Variants in HECW2 observed in about 807,000 individuals in gnomAD.
HECW2 encodes HECT, C2 and WW domain containing E3 ubiquitin protein ligase 2.
A neutral mutation model predicts 175.2 loss-of-function variants in HECW2; 61 were observed. That is an observed-to-expected ratio of 0.35 (90% CI 0.28 to 0.43). The LOEUF is 0.43. HECW2 is among the 20% of genes least tolerant of loss of function. The pLI, the probability that HECW2 is intolerant of heterozygous loss-of-function variation, is 1.00. For missense variants in HECW2, 1,524 were observed against 2,000.5 expected (o/e 0.76, Z 4.54); for synonymous variants, 671 against 731.0 (o/e 0.92, Z 1.32).
At chr2:196,265,222 C>G (rs537835107) in intron 17 of HECW2, among the ~76,000 whole-genome samples, 1 of 152,212 alleles carries the variant, frequency 6.6e-6, no homozygotes, top group African/African-American at 2.4e-5. Flanking sequence ...GGGTGGCTCA[C>G]GCCTATAATC....
At chr2:196,224,079 T>C (rs1466157356) in intron 23 of HECW2, among the ~76,000 whole-genome samples, 1 of 152,162 alleles carries the variant, frequency 6.6e-6, no homozygotes, top group African/African-American at 2.4e-5. Flanking sequence ...TTGTGAACTC[T>C]ACCCTGGGAA....
chr2:196,456,354 C>T (rs1381793805), intron 1 of HECW2, among the ~76,000 whole-genome samples: 1 of 152,318 alleles, frequency 6.6e-6, no homozygotes, highest in East Asian at 1.9e-4. Flanking sequence ...AGACTCTAAG[C>T]TATGAGCCTT....
intron 2 of HECW2, among the ~76,000 whole-genome samples, chr2:196,382,566 C>T (rs1443592783): frequency 6.6e-6 from 1 of 151,768 alleles, no homozygotes; most frequent in African/African-American, 2.4e-5. Flanking sequence ...GTTGATGAAG[C>T]CCTAAGTAAA....
chr2:196,361,811 C>CTT, intron 2 of HECW2: 1 of 985,294 alleles, frequency 1.0e-6, no homozygotes, highest in Non-Finnish European at 1.2e-6. Flanking sequence ...CAATATCTTA[C>CTT]CTCATATAAT....
chr2:196,426,431 C>T (rs543366958), intron 2 of HECW2, among the ~76,000 whole-genome samples: 49 of 152,194 alleles, frequency 3.2e-4, no homozygotes, highest in African/African-American at 1.1e-3. Flanking sequence ...TTTTTGATAA[C>T]AGCCATTCTA....
chr2:196,584,027 ACTTACTCCACC>A (rs1442139737), intron 1 of HECW2, among the ~76,000 whole-genome samples: 107 of 152,298 alleles, frequency 7.0e-4, no homozygotes, highest in Middle Eastern at 3.4e-3. Context: ...CCTATAAGAT[ACTTACTCCACC>A]CTTACTCTTA....
At chr2:196,335,392 C>T (rs1692514592) in intron 3 of HECW2, among the ~76,000 whole-genome samples, 1 of 152,184 alleles carries the variant, frequency 6.6e-6, no homozygotes, top group African/African-American at 2.4e-5. Flanking sequence ...CTGCGAGATG[C>T]ATTTCTCCCA....
chr2:196,555,432 C>T (rs1238653229), intron 1 of HECW2, among the ~76,000 whole-genome samples: 1 of 152,148 alleles, frequency 6.6e-6, no homozygotes, highest in East Asian at 1.9e-4. Context: ...CAAAGGCCAC[C>T]TCCTAATACC....
chr2:196,235,648 C>CTTTTTTTTTTTTTT (rs757874073), intron 21 of HECW2, among the ~76,000 whole-genome samples: 2 of 78,900 alleles, frequency 2.5e-5, no homozygotes, highest in East Asian at 4.9e-4. Context: ...ATGCATTATT[C>CTTTTTTTTTTTTTT]TTTTTTTTTT....
intron 2 of HECW2, among the ~76,000 whole-genome samples, chr2:196,356,132 T>C (rs16850214): frequency 0.027 from 4,173 of 152,288 alleles, 177 homozygotes; most frequent in African/African-American, 0.094. Flanking sequence ...TTCCGGACTG[T>C]AACAATAACA....
At chr2:196,480,236 T>TTAATATATC (rs1686795263) in intron 1 of HECW2, among the ~76,000 whole-genome samples, 1 of 152,234 alleles carries the variant, frequency 6.6e-6, no homozygotes, top group Non-Finnish European at 1.5e-5. Flanking sequence ...TGCCAACTTC[T>TTAATATATC]TTAATATAAG....
chr2:196,299,467 C>T (rs944527994), intron 13 of HECW2, among the ~76,000 whole-genome samples: 1 of 152,128 alleles, frequency 6.6e-6, no homozygotes, highest in Non-Finnish European at 1.5e-5. Context: ...CCTAGGAGTT[C>T]CCAGACTACA....
In HECW2 at chr2:196,319,904, T is replaced by G; in HGVS notation, c.986A>C (p.Asp329Ala). 6.3e-7 allele frequency: 1 copy of G among 1,580,312 alleles called. No individual in the cohort carries two copies. The highest frequency in any genetic ancestry group is 8.6e-7 in the Non-Finnish European group (1 of 1,160,990). Residue 329 changes from aspartate to alanine, a missense_variant and splice_region_variant, in exon 9 of 29, where the codon GAT (aspartate) becomes GCT (alanine). Physicochemically the swap from Asp to Ala is moderately radical, Grantham distance 126 (BLOSUM62 -2). This residue lies in a region of HECW2 where 604 missense variants were observed against 588.3 expected (regional missense o/e 1.03). Transcript: ENST00000644978. ...TGTGCCAACAGCTTCTGGAGAGGCATCTGAATGAGAAAACAGCATTTCTAA... is the reference window on the plus strand; with the variant it reads ...TGTGCCAACAGCTTCTGGAGAGGCAGCTGAATGAGAAAACAGCATTTCTAA... ...KVEVTSSVHE[D>A]ASPEAVGTIL...
At chr2:196,386,955 A>G (rs1174172396) in intron 2 of HECW2, among the ~76,000 whole-genome samples, 2 of 152,212 alleles carry the variant, frequency 1.3e-5, no homozygotes, top group Non-Finnish European at 2.9e-5. Context: ...TAACAAGGCT[A>G]TAATACTAAC....
chr2:196,567,786 CT>C (rs1690236290), intron 1 of HECW2, among the ~76,000 whole-genome samples: 1 of 152,158 alleles, frequency 6.6e-6, no homozygotes, highest in Non-Finnish European at 1.5e-5. Flanking sequence ...AGTAGGATGT[CT>C]TAATAAATCT....
At chr2:196,591,167 A>C (rs1253496571) in intron 1 of HECW2, among the ~76,000 whole-genome samples, 2 of 152,330 alleles carry the variant, frequency 1.3e-5, no homozygotes, top group East Asian at 3.9e-4. Context: ...TTCATTGCCA[A>C]ATGTTGCCCA....
intron 5 of HECW2, among the ~76,000 whole-genome samples, chr2:196,328,903 A>G (rs1575420813): frequency 6.6e-6 from 1 of 152,306 alleles, no homozygotes; most frequent in East Asian, 1.9e-4. Flanking sequence ...CTACACATAA[A>G]TATAGGGATG....
chr2:196,448,587 G>A (rs191180499), intron 1 of HECW2, among the ~76,000 whole-genome samples: 7 of 152,258 alleles, frequency 4.6e-5, no homozygotes, highest in Admixed American at 2.0e-4. Context: ...AGCCTCCCCC[G>A]CCAAAGCAGA....
chr2:196,441,792 A>G (rs1028345687), intron 1 of HECW2, among the ~76,000 whole-genome samples: 10 of 152,162 alleles, frequency 6.6e-5, no homozygotes, highest in African/African-American at 2.4e-4. Context: ...AAACCAGAAA[A>G]TGTCCTTCTA....
Sources: allele counts gnomAD v4.1 joint callset (sites outside exome capture counted in the v4.1 genomes callset), GRCh38; gene constraint gnomAD v4.1.1; regional missense constraint gnomAD v4.1.1; transcripts MANE v1.5; gene names NCBI Gene and HGNC (gene_info 2026-07-23, HGNC 2026-07-21).